The following NRG3 variants were observed in gnomAD, a reference collection of about 807,000 sequenced individuals.
The protein encoded by NRG3 is pro-neuregulin-3, membrane-bound isoform.
NRG3 carries 31 observed loss-of-function variants against 66.9 expected under a neutral mutation model. The observed-to-expected ratio is 0.46, with a 90% confidence interval of 0.35 to 0.63. NRG3 has a LOEUF of 0.63. NRG3 is among the 20% of genes least tolerant of loss of function. The pLI, the probability that NRG3 is intolerant of heterozygous loss-of-function variation, is 0.00. For synonymous variants in NRG3, 393 were observed against 359.4 expected (o/e 1.09, Z -1.06); for missense variants, 910 against 878.9 (o/e 1.04, Z -0.45).
At chr10:82,250,583 C>T (rs1469172106) in intron 1 of NRG3, among the ~76,000 whole-genome samples, 4 of 152,048 alleles carry the variant, frequency 2.6e-5, no homozygotes, top group East Asian at 1.9e-4. Flanking sequence ...AGCGAAACTC[C>T]GTCTCAAAAA....
intron 1 of NRG3, among the ~76,000 whole-genome samples, chr10:82,168,745 T>C (rs1216269881): frequency 6.6e-6 from 1 of 152,174 alleles, no homozygotes; most frequent in Non-Finnish European, 1.5e-5. Context: ...TGTTTGTTTC[T>C]TAACCAGATT....
chr10:82,976,937 G>A (rs1205643848), intron 7 of NRG3, among the ~76,000 whole-genome samples: 1 of 152,104 alleles, frequency 6.6e-6, no homozygotes, highest in Non-Finnish European at 1.5e-5. Flanking sequence ...TAGTAGTCCT[G>A]GGGCACAGCA....
chr10:82,096,961 A>C (rs988074993), intron 1 of NRG3, among the ~76,000 whole-genome samples: 5 of 152,212 alleles, frequency 3.3e-5, no homozygotes, highest in Admixed American at 2.6e-4. Context: ...TAAAATTTAC[A>C]TACAGTAAAA....
At chr10:82,165,096 A>C (rs188567982) in intron 1 of NRG3, among the ~76,000 whole-genome samples, 18 of 152,276 alleles carry the variant, frequency 1.2e-4, no homozygotes, top group African/African-American at 4.3e-4. Context: ...ACTATATTGC[A>C]TTCCATTGTA....
At chr10:82,473,140 G>A (rs1590251610) in intron 2 of NRG3, among the ~76,000 whole-genome samples, 1 of 152,192 alleles carries the variant, frequency 6.6e-6, no homozygotes, top group East Asian at 1.9e-4. Flanking sequence ...CAGTCATGGT[G>A]CTAGACAGTG....
chr10:82,302,260 T>A (rs1190304827), intron 1 of NRG3, among the ~76,000 whole-genome samples: 1 of 152,008 alleles, frequency 6.6e-6, no homozygotes, highest in African/African-American at 2.4e-5. Context: ...AAGAAGTTAT[T>A]GCAAAAAAAA....
intron 2 of NRG3, among the ~76,000 whole-genome samples, chr10:82,514,486 A>G (rs371413665): frequency 3.3e-5 from 5 of 152,136 alleles, no homozygotes; most frequent in Admixed American, 3.3e-4. Context: ...TCAAAGATCA[A>G]ATCGTTGTAG....
intron 1 of NRG3, among the ~76,000 whole-genome samples, chr10:81,910,672 G>A (rs1267058040): frequency 6.6e-6 from 1 of 152,078 alleles, no homozygotes; most frequent in South Asian, 2.1e-4. Flanking sequence ...TCTAGAGATA[G>A]TGTCTTGATC....
chr10:82,466,834 T>G (rs1840724434), intron 2 of NRG3, among the ~76,000 whole-genome samples: 1 of 146,928 alleles, frequency 6.8e-6, no homozygotes, highest in Admixed American at 6.9e-5. Context: ...GCACACACGA[T>G]GAGGAGGTGA....
At chr10:82,254,438 A>G (rs555396663) in intron 1 of NRG3, among the ~76,000 whole-genome samples, 1 of 152,332 alleles carries the variant, frequency 6.6e-6, no homozygotes, top group African/African-American at 2.4e-5. Flanking sequence ...GCAATTCTAC[A>G]GTGCTTTGCC....
intron 1 of NRG3, among the ~76,000 whole-genome samples, chr10:81,912,472 G>A (rs763754118): frequency 1.6e-4 from 24 of 152,094 alleles, no homozygotes; most frequent in Non-Finnish European, 2.6e-4. Flanking sequence ...TTCTCTTGCC[G>A]TGGCTTCCCA....
intron 4 of NRG3, among the ~76,000 whole-genome samples, chr10:82,900,983 C>G (rs1402294636): frequency 6.6e-6 from 1 of 152,050 alleles, no homozygotes; most frequent in East Asian, 1.9e-4. Flanking sequence ...CTAAAATCAC[C>G]AAACTAATCT....
chr10:82,088,380 G>A (rs2065845342), intron 1 of NRG3, among the ~76,000 whole-genome samples: 1 of 151,990 alleles, frequency 6.6e-6, no homozygotes, highest in African/African-American at 2.4e-5. Flanking sequence ...TTATTCATAT[G>A]TTCATAGTTG....
At chr10:82,930,819 C>T (rs1188824072) in intron 4 of NRG3, among the ~76,000 whole-genome samples, 2 of 152,046 alleles carry the variant, frequency 1.3e-5, no homozygotes, top group Non-Finnish European at 2.9e-5. Flanking sequence ...TACTGGGAAC[C>T]CCATCTATGG....
chr10:82,492,037 A>G (rs2132259205), intron 2 of NRG3, among the ~76,000 whole-genome samples: 1 of 152,306 alleles, frequency 6.6e-6, no homozygotes, highest in African/African-American at 2.4e-5. Flanking sequence ...TTCCTTGAAC[A>G]CTGTATTTCA....
intron 4 of NRG3, among the ~76,000 whole-genome samples, chr10:82,880,821 T>A (rs1312264981): frequency 6.6e-6 from 1 of 152,220 alleles, no homozygotes; most frequent in African/African-American, 2.4e-5. Flanking sequence ...TCTATAAACA[T>A]CGTATTTGTT....
chr10:82,460,529 C>G (rs2091463523), intron 2 of NRG3, among the ~76,000 whole-genome samples: 1 of 152,168 alleles, frequency 6.6e-6, no homozygotes, highest in African/African-American at 2.4e-5. Flanking sequence ...CTGTTTTGAT[C>G]TCTGTCTTTC....
intron 2 of NRG3, among the ~76,000 whole-genome samples, chr10:82,636,233 G>A (rs977808714): frequency 3.3e-5 from 5 of 151,788 alleles, no homozygotes; most frequent in Admixed American, 6.6e-5. Flanking sequence ...ATGTGTGTGT[G>A]TGTGTGTCTG....
At chr10:82,849,935 G>T (rs1430027787) in intron 3 of NRG3, among the ~76,000 whole-genome samples, 1 of 152,146 alleles carries the variant, frequency 6.6e-6, no homozygotes, top group African/African-American at 2.4e-5. Context: ...GTTTTAAAGG[G>T]ATCTCTCTGG....
Sources: gnomAD v4.1 joint callset for allele counts (sites outside exome capture counted in the v4.1 genomes callset) on GRCh38, gnomAD v4.1.1 for gene constraint, MANE v1.5 for transcripts, NCBI Gene and HGNC (gene_info 2026-07-23, HGNC 2026-07-21) for gene names.